The following TFDP2 variants were observed in gnomAD, a reference collection of about 807,000 sequenced individuals.
The protein encoded by TFDP2 is transcription factor Dp-2 (E2F dimerization partner 2).
Under a neutral mutation model 59.3 loss-of-function variants are expected in TFDP2, and 17 were observed. That is an observed-to-expected ratio of 0.29 (90% CI 0.20 to 0.43). TFDP2 has a LOEUF of 0.43. Ranked by LOEUF, TFDP2 falls within the 20% of genes least tolerant of loss-of-function variation. The pLI, the probability that TFDP2 is intolerant of heterozygous loss-of-function variation, is 1.00. For synonymous variants in TFDP2, 180 were observed against 194.7 expected (o/e 0.92, Z 0.63); for missense variants, 391 against 528.8 (o/e 0.74, Z 2.56).
chr3:142,051,282 G>A (rs1947613078), intron 3 of TFDP2, among the ~76,000 whole-genome samples: 1 of 152,192 alleles, frequency 6.6e-6, no homozygotes, highest in South Asian at 2.1e-4. Context: ...GCTCAGGCCT[G>A]TAATCCAGCA....
At chr3:142,063,511 C>T (rs1004115478) in intron 3 of TFDP2, among the ~76,000 whole-genome samples, 4 of 152,182 alleles carry the variant, frequency 2.6e-5, no homozygotes, top group Non-Finnish European at 4.4e-5. Context: ...TTATAATAAA[C>T]ATCTATGATA....
rs1405580762 is a variant in TFDP2 at position 141,952,348 on chromosome 3, C to T, written c.*165G>A. Reference sequence around the variant, plus strand: ...ATTCACACTATGTTAACTTTCATCTCAATCATCTCAGCCTTCATGTGATTT... The same window carrying T: ...ATTCACACTATGTTAACTTTCATCTTAATCATCTCAGCCTTCATGTGATTT... On this transcript the variant is annotated 3_prime_UTR_variant, in exon 13 of 13. Transcript: ENST00000489671. 1.7e-6 allele frequency: 1 copy of T among 585,476 alleles called. No homozygotes were observed. The allele number at this position is 585,476 out of a possible 1,614,324, so 36.3% of individuals were successfully genotyped here. A position where few individuals can be genotyped will look rare whatever the true frequency, so the allele number is the denominator to read the frequency against.
chr3:142,000,445 T>C (rs1046899642), intron 4 of TFDP2: 6 of 533,072 alleles, frequency 1.1e-5, no homozygotes. Flanking sequence ...CATGACTTCA[T>C]CACTTCCCAA....
At chr3:142,034,950 C>T (rs989652541) in intron 3 of TFDP2, among the ~76,000 whole-genome samples, 2 of 152,070 alleles carry the variant, frequency 1.3e-5, no homozygotes, top group African/African-American at 4.8e-5. Flanking sequence ...TCGTGATCCG[C>T]CTGCCTTGGC....
chr3:142,043,796 C>A (rs1947159035), intron 3 of TFDP2: 1 of 1,596,454 alleles, frequency 6.3e-7, no homozygotes, highest in East Asian at 2.2e-5. Context: ...TGGATGTGCT[C>A]CATGAGAATC....
chr3:141,950,346 C>A lies in TFDP2; in HGVS notation c.*2167G>T, dbSNP rs1935809747. The stretch of plus-strand genomic sequence containing the variant: ...CAACGCTGAGGAAGGAGACCATTTC[C>A]CACCAACAGCACACACCTATGGCTG... On this transcript the variant is annotated 3_prime_UTR_variant, in exon 13 of 13. Transcript: ENST00000489671. 6.6e-6 allele frequency: 1 copy of A among 152,220 alleles called. No homozygotes were observed. The highest frequency in any genetic ancestry group is 6.6e-5 in the Admixed American group (1 of 15,254). 9.4% of individuals were successfully genotyped at this position (152,220 alleles called of 1,614,324 possible).
At chr3:142,036,206 G>A (rs1313433143) in intron 3 of TFDP2, among the ~76,000 whole-genome samples, 5 of 152,136 alleles carry the variant, frequency 3.3e-5, no homozygotes, top group African/African-American at 1.2e-4. Context: ...GTCCTTAATG[G>A]ATAACTGTTT....
At chr3:142,042,901 G>A (rs1947081581) in intron 3 of TFDP2, among the ~76,000 whole-genome samples, 1 of 150,590 alleles carries the variant, frequency 6.6e-6, no homozygotes, top group Non-Finnish European at 1.5e-5. Context: ...CACCATGCCC[G>A]ACTAATTTTT....
chr3:142,030,278 T>C (rs2108404501), intron 3 of TFDP2, among the ~76,000 whole-genome samples: 1 of 152,360 alleles, frequency 6.6e-6, no homozygotes, highest in East Asian at 1.9e-4. Context: ...TATGGCCCTC[T>C]ATCTTTCCAG....
chr3:142,028,156 G>A (rs369883588), intron 3 of TFDP2, among the ~76,000 whole-genome samples: 3 of 152,072 alleles, frequency 2.0e-5, no homozygotes, highest in Admixed American at 6.5e-5. Flanking sequence ...AAAAGTTTTC[G>A]TAAGTGGAAA....
chr3:141,963,082 G>A (rs1332350453), intron 10 of TFDP2, among the ~76,000 whole-genome samples: 1 of 152,044 alleles, frequency 6.6e-6, no homozygotes, highest in African/African-American at 2.4e-5. Context: ...AGCGAAGTGG[G>A]GGAGCCATAA....
intron 3 of TFDP2, among the ~76,000 whole-genome samples, chr3:142,086,686 C>G (rs558841939): frequency 6.6e-6 from 1 of 152,232 alleles, no homozygotes; most frequent in East Asian, 1.9e-4. Context: ...CCTGGAAACT[C>G]TCCAAACCTT....
At chr3:142,125,933 A>G (rs917837400) in intron 1 of TFDP2, among the ~76,000 whole-genome samples, 16 of 152,158 alleles carry the variant, frequency 1.1e-4, no homozygotes, top group Non-Finnish European at 2.2e-4. Flanking sequence ...CATAGAAACA[A>G]TATTTGTTTT....
intron 3 of TFDP2, among the ~76,000 whole-genome samples, chr3:142,011,004 G>A (rs1944625649): frequency 1.0e-5 from 1 of 100,468 alleles, no homozygotes; most frequent in African/African-American, 3.8e-5. Context: ...ACTGTAAACT[G>A]GTTCAACCAT....
chr3:142,085,368 T>A (rs1049152064), intron 3 of TFDP2, among the ~76,000 whole-genome samples: 5 of 152,200 alleles, frequency 3.3e-5, no homozygotes, highest in Non-Finnish European at 7.3e-5. Flanking sequence ...GTAACTCAAG[T>A]ACTCCATAAA....
At chr3:142,127,232 G>A (rs927434727) in intron 1 of TFDP2, among the ~76,000 whole-genome samples, 14 of 147,670 alleles carry the variant, frequency 9.5e-5, no homozygotes, top group Admixed American at 2.7e-4. Context: ...AGATATTACA[G>A]GTATCTATAT....
At chr3:142,095,093 C>A (rs1167360552) in intron 2 of TFDP2, among the ~76,000 whole-genome samples, 10 of 151,822 alleles carry the variant, frequency 6.6e-5, no homozygotes, top group Non-Finnish European at 1.3e-4. Context: ...CGGGTTCAAG[C>A]AATTCTCCTG....
intron 3 of TFDP2, among the ~76,000 whole-genome samples, chr3:142,024,286 T>A (rs184456620): frequency 6.6e-6 from 1 of 152,326 alleles, no homozygotes; most frequent in African/African-American, 2.4e-5. Context: ...AGAGTTACCA[T>A]GTAAAAATTC....
At chr3:142,084,382 T>C (rs772410364) in intron 3 of TFDP2, among the ~76,000 whole-genome samples, 6 of 152,146 alleles carry the variant, frequency 3.9e-5, no homozygotes, top group Non-Finnish European at 8.8e-5. Context: ...TTGGCAGGAA[T>C]ATAAGTTAGT....
Sources: allele counts gnomAD v4.1 joint callset (sites outside exome capture counted in the v4.1 genomes callset), GRCh38; gene constraint gnomAD v4.1.1; transcripts MANE v1.5; gene names NCBI Gene and HGNC (gene_info 2026-07-23, HGNC 2026-07-21).